The following CACNA2D1 variants were observed in gnomAD, a reference collection of about 807,000 sequenced individuals.
CACNA2D1 encodes calcium voltage-gated channel auxiliary subunit alpha2delta 1.
A neutral mutation model predicts 171.5 loss-of-function variants in CACNA2D1; 53 were observed. The observed-to-expected ratio is 0.31, with a 90% CI of 0.25 to 0.39. The LOEUF (loss-of-function observed/expected upper bound fraction) is 0.39, where lower values mean the gene tolerates loss of function less well. Ranked by LOEUF, CACNA2D1 falls within the 10% of genes least tolerant of loss-of-function variation. The pLI, the probability that CACNA2D1 is intolerant of heterozygous loss-of-function variation, is 1.00. For synonymous variants in CACNA2D1, 442 were observed against 443.1 expected (o/e 1.00, Z 0.03); for missense variants, 903 against 1,299.8 (o/e 0.69, Z 4.69).
intron 3 of CACNA2D1, among the ~76,000 whole-genome samples, chr7:82,259,025 C>T (rs570008753): frequency 6.6e-6 from 1 of 152,116 alleles, no homozygotes; most frequent in African/African-American, 2.4e-5. Context: ...GACAAAGTTT[C>T]GCCATGTTGG....
At chr7:82,015,301 T>A (rs1392047116) in intron 12 of CACNA2D1, among the ~76,000 whole-genome samples, 1 of 152,184 alleles carries the variant, frequency 6.6e-6, no homozygotes, top group Non-Finnish European at 1.5e-5. Context: ...GATGCACACA[T>A]ATAATTATGT....
rs1207440298 is a variant in CACNA2D1 at position 82,111,444 on chromosome 7, A to ATATATATT, written c.526+5599_526+5600insAATATATA. Among the ~76,000 whole-genome samples, 8 of 69,962 alleles carry ATATATATT rather than the reference A, an allele frequency of 1.1e-4. 1 individual carries two copies. The highest frequency in any genetic ancestry group is 5.4e-4 in the African/African-American group (8 of 14,712). The allele number at this position is 69,962 out of a possible 152,430, so 45.9% of individuals were successfully genotyped here. On this transcript the variant is annotated intron_variant, in intron 6 of 38. Coordinates refer to ENST00000356860, the MANE Select transcript of CACNA2D1 (RefSeq NM_000722.4). ...TATATGTGTGTATATATATATATAT[A>ATATATATT]TTTTTTTTTTTTTTTTTTTTTGAGA...
intron 1 of CACNA2D1, among the ~76,000 whole-genome samples, chr7:82,386,530 C>T (rs1336859800): frequency 1.3e-5 from 2 of 151,906 alleles, no homozygotes; most frequent in South Asian, 2.1e-4. Flanking sequence ...GTCGGGAGTT[C>T]GAGACCAGCC....
chr7:81,962,981 CAAA>C (rs1794322622), intron 34 of CACNA2D1, among the ~76,000 whole-genome samples: 1 of 151,492 alleles, frequency 6.6e-6, no homozygotes, highest in Non-Finnish European at 1.5e-5. Context: ...TTTCATGAAA[CAAA>C]ATATACATAT....
chr7:81,991,557 G>A lies in CACNA2D1; in HGVS notation c.1735-311C>T, dbSNP rs193250467. On this transcript the variant is annotated intron_variant, in intron 20 of 38. Transcript: ENST00000356860. ...ACTATGAAGTATTTAGACAAGGCTCGGATATGTCCATACTAAAGTATGTTA... is the reference window on the plus strand; with the variant it reads ...ACTATGAAGTATTTAGACAAGGCTCAGATATGTCCATACTAAAGTATGTTA... 3.4e-3 allele frequency among the ~76,000 whole-genome samples: 521 copies of A among 152,152 alleles called. 1 individual carries two copies. Among genetic ancestry groups the A allele is most frequent in the Non-Finnish European group, 6.6e-3 (448 of 68,004 alleles).
chr7:82,195,323 G>T (rs912631637), intron 3 of CACNA2D1, among the ~76,000 whole-genome samples: 2 of 151,874 alleles, frequency 1.3e-5, no homozygotes, highest in African/African-American at 2.4e-5. Context: ...AATGGGGTGG[G>T]ATATGGTATT....
chr7:82,401,450 G>C (rs906392824), intron 1 of CACNA2D1, among the ~76,000 whole-genome samples: 2 of 148,896 alleles, frequency 1.3e-5, no homozygotes, highest in African/African-American at 5.0e-5. Flanking sequence ...GTAAACTATC[G>C]CAAGAACAAA....
intron 31 of CACNA2D1, among the ~76,000 whole-genome samples, chr7:81,966,022 C>G (rs1005043120): frequency 6.6e-6 from 1 of 151,526 alleles, no homozygotes; most frequent in Non-Finnish European, 1.5e-5. Flanking sequence ...TAAACACATA[C>G]TTAGGATTTT....
Position 82,304,078 on chromosome 7 carries a change from G to T in CACNA2D1, c.294+31057C>A, listed in dbSNP as rs184291083. Among the ~76,000 whole-genome samples, 1,047 of 147,332 alleles carry T rather than the reference G, an allele frequency of 7.1e-3. 10 individuals are homozygous for T. Among genetic ancestry groups the T allele is most frequent in the African/African-American group, 0.024 (987 of 41,072 alleles). On this transcript the variant is annotated intron_variant, in intron 3 of 38. Coordinates refer to ENST00000356860, the MANE Select transcript of CACNA2D1 (RefSeq NM_000722.4). ...AAGGAGACATACAAATGGCCAACAGGTATATTAAAAAAAAGTTCAACATCG... is the reference window on the plus strand; with the variant it reads ...AAGGAGACATACAAATGGCCAACAGTTATATTAAAAAAAAGTTCAACATCG...
At chr7:82,354,171 T>TA (rs1820165589) in intron 1 of CACNA2D1, among the ~76,000 whole-genome samples, 1 of 152,166 alleles carries the variant, frequency 6.6e-6, no homozygotes, top group African/African-American at 2.4e-5. Context: ...ATACTGTCCA[T>TA]AAAAACATAT....
intron 3 of CACNA2D1, among the ~76,000 whole-genome samples, chr7:82,263,321 G>A (rs914838512): frequency 1.2e-4 from 18 of 151,712 alleles, no homozygotes; most frequent in African/African-American, 3.1e-4. Flanking sequence ...ATAATGGCCC[G>A]GCTGGTCTCG....
chr7:82,331,274 T>G (rs1021433647), intron 3 of CACNA2D1, among the ~76,000 whole-genome samples: 1 of 152,174 alleles, frequency 6.6e-6, no homozygotes, highest in Non-Finnish European at 1.5e-5. Flanking sequence ...ACCTTAGATT[T>G]GTATATTCAT....
intron 8 of CACNA2D1, among the ~76,000 whole-genome samples, chr7:82,065,976 A>G (rs1028694598): frequency 3.9e-5 from 6 of 152,188 alleles, no homozygotes; most frequent in African/African-American, 1.4e-4. Context: ...TAGGAGAACA[A>G]GTTGCTTCAG....
At chr7:82,439,759 C>T (rs913571718) in intron 1 of CACNA2D1, among the ~76,000 whole-genome samples, 4 of 151,358 alleles carry the variant, frequency 2.6e-5, no homozygotes, top group African/African-American at 9.7e-5. Context: ...AAACATACAT[C>T]TGTGGAATAG....
At position 81,964,022 on chromosome 7, in the gene CACNA2D1, T is replaced by C. The variant is rs370431551; in HGVS notation, c.2780+34A>G. 8 of 1,576,646 alleles carry C rather than the reference T, an allele frequency of 5.1e-6. No individual in the cohort carries two copies. In the East Asian group the frequency reaches 6.7e-5, roughly 13 times the overall value. On this transcript the variant is annotated intron_variant, in intron 34 of 38. Transcript: ENST00000356860. ...GCTTTTTTATTTTACAACTTCTTTC[T>C]TTCATTACCAATAAAACTAAAATTT... is the stretch of plus-strand genomic sequence containing the variant.
intron 5 of CACNA2D1, among the ~76,000 whole-genome samples, chr7:82,122,494 G>A (rs570470796): frequency 1.6e-4 from 24 of 152,294 alleles, no homozygotes; most frequent in African/African-American, 5.8e-4. Context: ...AGTAAGGCGA[G>A]CCATTAGCAA....
In CACNA2D1 at chr7:82,098,496, T is replaced by C. The variant is rs17155843; in HGVS notation, c.527-13596A>G. Among the ~76,000 whole-genome samples the C allele has an allele frequency of 2.7e-4, 41 of 152,290 alleles. No homozygotes were observed. In the East Asian group the frequency reaches 7.6e-3, roughly 28 times the overall value. ...TACCCAGGGATAGAACGCCTGCATA[T>C]CTTACATGTACAGCACTTTGACTAA... On this transcript the variant is annotated intron_variant, in intron 6 of 38. Coordinates refer to ENST00000356860, the MANE Select transcript of CACNA2D1 (RefSeq NM_000722.4).
At chr7:82,095,388 A>G (rs373744130) in intron 6 of CACNA2D1, among the ~76,000 whole-genome samples, 1 of 151,970 alleles carries the variant, frequency 6.6e-6, no homozygotes, top group East Asian at 1.9e-4. Context: ...TGTGCCTTCT[A>G]TTATACTGGG....
At chr7:82,303,011 T>C (rs1813224042) in intron 3 of CACNA2D1, among the ~76,000 whole-genome samples, 1 of 152,076 alleles carries the variant, frequency 6.6e-6, no homozygotes, top group African/African-American at 2.4e-5. Context: ...GTTTGTTTTT[T>C]GAGACAGAGT....
Sources: gnomAD v4.1 joint callset for allele counts (sites outside exome capture counted in the v4.1 genomes callset) on GRCh38, gnomAD v4.1.1 for gene constraint, MANE v1.5 for transcripts, NCBI Gene and HGNC (gene_info 2026-07-23, HGNC 2026-07-21) for gene names.